Variants in ZNF557 observed in about 807,000 individuals in gnomAD.
ZNF557 encodes CTB-25J19.9.
ZNF557 carries 19 observed loss-of-function variants against 21.2 expected under a neutral mutation model. The ratio of observed to expected loss-of-function variants is 0.90; its 90% CI spans 0.63 to 1.32. The LOEUF (loss-of-function observed/expected upper bound fraction) is 1.32, where lower values mean the gene tolerates loss of function less well. Ranked by LOEUF, ZNF557 falls within the 40% of genes most tolerant of loss-of-function variation. The pLI, the probability that ZNF557 is intolerant of heterozygous loss-of-function variation, is 0.00. For synonymous variants in ZNF557, 207 were observed against 194.8 expected, an observed-to-expected ratio of 1.06 and a Z score of -0.52; for missense variants, 487 against 519.8, an observed-to-expected ratio of 0.94 and a Z score of 0.61.
chr19:7,077,264 C>T (rs984620995), intron 5 of ZNF557, among the ~76,000 whole-genome samples: 1 of 149,680 alleles, frequency 6.7e-6, no homozygotes, highest in Non-Finnish European at 1.5e-5. Context: ...GCCTCCTCAA[C>T]AGCTGGGACT....
rs1977842916 is a variant in ZNF557 at position 7,086,298 on chromosome 19, A to G, written c.*2554A>G. On this transcript the variant is annotated 3_prime_UTR_variant, in exon 8 of 8. Coordinates refer to ENST00000252840, the MANE Select transcript of ZNF557 (RefSeq NM_024341.3). ...ATTTAATAGTATTTTGCCAGAGTACATGGACTTTGTGATTTTGGTTGTTTT... is the reference window on the plus strand; with the variant it reads ...ATTTAATAGTATTTTGCCAGAGTACGTGGACTTTGTGATTTTGGTTGTTTT... 6.7e-6 allele frequency: 1 copy of G among 148,334 alleles called. No individual in the cohort carries two copies. The highest frequency in any genetic ancestry group is 6.7e-5 in the Admixed American group (1 of 14,848). 9.2% of individuals were successfully genotyped at this position (148,334 alleles called of 1,614,324 possible).
intron 2 of ZNF557, among the ~76,000 whole-genome samples, chr19:7,073,256 T>G (rs983840829): frequency 1.3e-5 from 2 of 150,270 alleles, no homozygotes; most frequent in African/African-American, 4.9e-5. Flanking sequence ...GTTCAAGCGA[T>G]TCTCCTGCCT....
In ZNF557 at chr19:7,083,843, A is replaced by C; in HGVS notation, c.*99A>C. ...TATGAATCACCTGCTACTGTGTAAC[A>C]AATTACCCCCCAAAATTTTGTGGCT... On this transcript the variant is annotated 3_prime_UTR_variant, in exon 8 of 8. Coordinates refer to ENST00000252840, the MANE Select transcript of ZNF557 (RefSeq NM_024341.3). 6.9e-7 allele frequency: 1 copy of C among 1,452,078 alleles called. No homozygotes were observed. 89.9% of individuals were successfully genotyped at this position (1,452,078 alleles called of 1,614,324 possible).
chr19:7,076,929 G>T (rs1304843570), intron 5 of ZNF557, among the ~76,000 whole-genome samples: 1 of 151,616 alleles, frequency 6.6e-6, no homozygotes, highest in Non-Finnish European at 1.5e-5. Context: ...TTTATTTTTT[G>T]TAGAGACAGG....
rs142227001 is a variant in ZNF557 at position 7,087,821 on chromosome 19, A to G, written c.*4077A>G. On this transcript the variant is annotated 3_prime_UTR_variant, in exon 8 of 8. Transcript: ENST00000252840. ...ATAAGTGCTCCATGATTCTCTGAAA[A>G]CAGTATACTATGTATCTAATTTTTG... is the stretch of plus-strand genomic sequence containing the variant. 1 of 152,176 alleles carries G rather than the reference A, an allele frequency of 6.6e-6. No homozygotes were observed. The highest frequency in any genetic ancestry group is 1.5e-5 in the Non-Finnish European group (1 of 68,006). The allele number at this position is 152,176 out of a possible 1,614,324, so 9.4% of individuals were successfully genotyped here.
At chr19:7,076,646 T>G in intron 5 of ZNF557, 139 bp downstream of exon 5, 1 of 1,293,872 alleles carries the variant, frequency 7.7e-7, no homozygotes, top group Non-Finnish European at 1.0e-6. Context: ...TGGCTTTTCG[T>G]AGGTTCACAG....
At chr19:7,072,763 C>T (rs1350848785) in intron 2 of ZNF557, among the ~76,000 whole-genome samples, 1 of 152,182 alleles carries the variant, frequency 6.6e-6, no homozygotes, top group Non-Finnish European at 1.5e-5. Flanking sequence ...GCCATGTGCC[C>T]CTCTGCCATA....
At chr19:7,075,831 C>T (rs944275369) in intron 4 of ZNF557, 88 bp downstream of exon 4, 9 of 1,552,008 alleles carry the variant, frequency 5.8e-6, no homozygotes, top group Non-Finnish European at 7.9e-6. Context: ...AGCCCCACGG[C>T]CAAACTTGTT....
In ZNF557 at chr19:7,074,986, T is replaced by C; in HGVS notation, c.-79-10T>C. On this transcript the variant is annotated splice_polypyrimidine_tract_variant and intron_variant, in intron 2 of 7. Transcript: ENST00000252840. The stretch of plus-strand genomic sequence containing the variant: ...TGACCGAGGCAGAGTGTTCCCCCCA[T>C]TTCTTCCAGGGTGCTGTCCTGAGAG... 6.2e-7 allele frequency: 1 copy of C among 1,603,812 alleles called. No individual in the cohort carries two copies. Among genetic ancestry groups the C allele is most frequent in the South Asian group, 1.1e-5 (1 of 90,956 alleles).
chr19:7,087,201 GC>G lies in ZNF557; in HGVS notation c.*3458del, dbSNP rs1287121359. 3.0e-4 allele frequency: 12 copies of G among 40,542 alleles called. No homozygotes were observed. The highest frequency in any genetic ancestry group is 8.0e-4 in the African/African-American group (9 of 11,284). The allele number at this position is 40,542 out of a possible 1,614,324, so 2.5% of individuals were successfully genotyped here. A position where few individuals can be genotyped will look rare whatever the true frequency, so the allele number is the denominator to read the frequency against. The stretch of plus-strand genomic sequence containing the variant: ...GGACACAAAGCATAGAGTTAAAAGA[GC>G]TTTTTTTTTTTTTTTTTTTTTTTTC... On this transcript the variant is annotated 3_prime_UTR_variant, in exon 8 of 8. Coordinates refer to ENST00000252840, the MANE Select transcript of ZNF557 (RefSeq NM_024341.3).
In ZNF557 at chr19:7,085,155, ACT is replaced by A. The variant is rs1443597612; in HGVS notation, c.*1413_*1414del. On this transcript the variant is annotated 3_prime_UTR_variant, in exon 8 of 8. Coordinates refer to ENST00000252840, the MANE Select transcript of ZNF557 (RefSeq NM_024341.3). ...ATTTTTCCACATTTTTAGGAACCTA[ACT>A]CAGTGTAAGATAACAATTTATACAA... is the stretch of plus-strand genomic sequence containing the variant. The A allele has an allele frequency of 3.3e-5, 5 of 152,114 alleles. No individual in the cohort carries two copies. The highest frequency in any genetic ancestry group is 7.4e-5 in the Non-Finnish European group (5 of 68,016). The allele number at this position is 152,114 out of a possible 1,614,324, so 9.4% of individuals were successfully genotyped here. A position where few individuals can be genotyped will look rare whatever the true frequency, so the allele number is the denominator to read the frequency against.
chr19:7,078,611 T>C (rs1977631095), intron 5 of ZNF557, among the ~76,000 whole-genome samples: 1 of 152,092 alleles, frequency 6.6e-6, no homozygotes, highest in Admixed American at 6.6e-5. Flanking sequence ...TTTGTATTTT[T>C]AGTAGAGACA....
chr19:7,079,038 T>C (rs1264525910), intron 5 of ZNF557, among the ~76,000 whole-genome samples: 1 of 152,068 alleles, frequency 6.6e-6, no homozygotes, highest in African/African-American at 2.4e-5. Flanking sequence ...TTTCCATCTC[T>C]TTATGATTTT....
At chr19:7,073,756 G>C (rs896049005) in intron 2 of ZNF557, among the ~76,000 whole-genome samples, 4 of 152,080 alleles carry the variant, frequency 2.6e-5, no homozygotes, top group Non-Finnish European at 5.9e-5. Flanking sequence ...CCGGAGATTG[G>C]GGGTATGGGG....
At chr19:7,071,249 T>TA (rs1306135404) in intron 2 of ZNF557, among the ~76,000 whole-genome samples, 1 of 152,222 alleles carries the variant, frequency 6.6e-6, no homozygotes, top group Non-Finnish European at 1.5e-5. Context: ...TTTTATTTTT[T>TA]TCTTTTCCTA....
At chr19:7,076,085 A>T (rs552850457) in intron 4 of ZNF557, among the ~76,000 whole-genome samples, 4 of 152,324 alleles carry the variant, frequency 2.6e-5, no homozygotes, top group Middle Eastern at 3.4e-3. Flanking sequence ...TCACGGGCCC[A>T]TGATCCCCTG....
chr19:7,076,788 T>C (rs554247609), intron 5 of ZNF557, among the ~76,000 whole-genome samples: 64 of 152,320 alleles, frequency 4.2e-4, no homozygotes, highest in Middle Eastern at 3.4e-3. Flanking sequence ...TCCGTCTCTA[T>C]AGATGTGTCT....
chr19:7,079,287 G>A (rs571467137), intron 5 of ZNF557, among the ~76,000 whole-genome samples: 12 of 136,436 alleles, frequency 8.8e-5, no homozygotes, highest in Admixed American at 8.3e-4. Flanking sequence ...TGTCACCCAG[G>A]CTGGAGTGCA....
intron 2 of ZNF557, among the ~76,000 whole-genome samples, chr19:7,073,999 C>A (rs1308171181): frequency 1.1e-5 from 1 of 94,936 alleles, no homozygotes; most frequent in East Asian, 3.8e-4. Flanking sequence ...ACACCCTTGA[C>A]CACTTTTTTT....
Sources: allele counts gnomAD v4.1 joint callset (sites outside exome capture counted in the v4.1 genomes callset), GRCh38; gene constraint gnomAD v4.1.1; transcripts MANE v1.5; gene names NCBI Gene and HGNC (gene_info 2026-07-23, HGNC 2026-07-21).